The following TSPAN12 variants were observed in gnomAD, a reference collection of about 807,000 sequenced individuals.
The protein encoded by TSPAN12 is tetraspanin 12, also known as tetraspanin-12.
In TSPAN12, 19 loss-of-function variants were observed where a neutral mutation model predicts 39.2. The observed-to-expected ratio is 0.49, with a 90% confidence interval of 0.34 to 0.71. The LOEUF (loss-of-function observed/expected upper bound fraction) is 0.71, where lower values mean the gene tolerates loss of function less well. Ranked by LOEUF, TSPAN12 falls within the 30% of genes least tolerant of loss-of-function variation. The probability of loss-of-function intolerance (pLI) is 0.01; values close to 1 mark genes in which losing one functional copy is unlikely to be tolerated. For synonymous variants in TSPAN12, 119 were observed against 124.8 expected (o/e 0.95, Z 0.31); for missense variants, 314 against 359.9 (o/e 0.87, Z 1.03).
intron 4 of TSPAN12, among the ~76,000 whole-genome samples, chr7:120,837,889 G>A (rs775068617): frequency 6.6e-5 from 10 of 152,258 alleles, no homozygotes; most frequent in Non-Finnish European, 7.3e-5. Flanking sequence ...ACCATGCTGG[G>A]AGAATTTACC....
chr7:120,827,172 A>C (rs1230142081), intron 4 of TSPAN12, among the ~76,000 whole-genome samples: 1 of 151,634 alleles, frequency 6.6e-6, no homozygotes, highest in Non-Finnish European at 1.5e-5. Context: ...TGTCTGCAAA[A>C]GTATCTCCTT....
At chr7:120,799,419 T>C (rs904595311) in intron 7 of TSPAN12, among the ~76,000 whole-genome samples, 1 of 140,022 alleles carries the variant, frequency 7.1e-6, no homozygotes, top group African/African-American at 2.6e-5. Context: ...TTTATTATAA[T>C]ATTTAATTTA....
intron 4 of TSPAN12, among the ~76,000 whole-genome samples, chr7:120,817,493 C>T (rs1299426989): frequency 6.6e-6 from 1 of 152,128 alleles, no homozygotes; most frequent in African/African-American, 2.4e-5. Flanking sequence ...TGCTGTTTAT[C>T]AAGTACTTTC....
intron 4 of TSPAN12, among the ~76,000 whole-genome samples, chr7:120,824,731 TCACTTTGGGG>T (rs1384586012): frequency 1.3e-5 from 2 of 152,226 alleles, no homozygotes; most frequent in Non-Finnish European, 2.9e-5. Flanking sequence ...CCAATGATTT[TCACTTTGGGG>T]AAACTTGACT....
At chr7:120,799,496 T>A (rs1386099678) in intron 7 of TSPAN12, among the ~76,000 whole-genome samples, 1 of 127,930 alleles carries the variant, frequency 7.8e-6, no homozygotes, top group Non-Finnish European at 1.6e-5. Context: ...ATATAATTAT[T>A]TTTAATTAAT....
intron 4 of TSPAN12, among the ~76,000 whole-genome samples, chr7:120,822,385 T>TA (rs1233604132): frequency 1.3e-5 from 2 of 152,070 alleles, no homozygotes; most frequent in East Asian, 3.8e-4. Flanking sequence ...CACTTGCCCT[T>TA]ATCCCTTCTT....
intron 7 of TSPAN12, among the ~76,000 whole-genome samples, chr7:120,793,337 G>C (rs1030846277): frequency 6.6e-6 from 1 of 152,112 alleles, no homozygotes; most frequent in African/African-American, 2.4e-5. Flanking sequence ...CAGCTTTTTC[G>C]GTTGCCCAGA....
chr7:120,810,789 A>C lies in TSPAN12; in HGVS notation c.361-219T>G, dbSNP rs1393701591. On this transcript the variant is annotated intron_variant, in intron 5 of 7. Coordinates refer to ENST00000222747, the MANE Select transcript of TSPAN12 (RefSeq NM_012338.4). ...TCTCAATGTATAGATTTTTGTGATAAATGAAGAGGTATTTTGTACTAAGGA... is the reference window on the plus strand; with the variant it reads ...TCTCAATGTATAGATTTTTGTGATACATGAAGAGGTATTTTGTACTAAGGA... Among the ~76,000 whole-genome samples, 3 of 152,198 alleles carry C rather than the reference A, an allele frequency of 2.0e-5. 1 individual carries two copies. The highest frequency in any genetic ancestry group is 1.3e-4 in the Admixed American group (2 of 15,284).
chr7:120,792,647 A>T (rs2116290853), intron 7 of TSPAN12, among the ~76,000 whole-genome samples: 1 of 152,332 alleles, frequency 6.6e-6, no homozygotes, highest in South Asian at 2.1e-4. Context: ...ATCTCTGTTC[A>T]TTCATTAACT....
chr7:120,806,329 A>T (rs112046920), intron 7 of TSPAN12, among the ~76,000 whole-genome samples: 18 of 152,028 alleles, frequency 1.2e-4, no homozygotes, highest in African/African-American at 4.3e-4. Context: ...ATTAATTACA[A>T]AACCTGGTCT....
At chr7:120,834,664 A>G (rs1794444953) in intron 4 of TSPAN12, among the ~76,000 whole-genome samples, 1 of 152,194 alleles carries the variant, frequency 6.6e-6, no homozygotes, top group African/African-American at 2.4e-5. Context: ...GCTTTCTCAC[A>G]CTAATCTGTT....
chr7:120,810,350 A>G, intron 6 of TSPAN12, 113 bp downstream of exon 6: 1 of 743,766 alleles, frequency 1.3e-6, no homozygotes, highest in Non-Finnish European at 2.4e-6. Context: ...TTACTGAATC[A>G]CAGGCTTAAT....
At chr7:120,813,705 T>A (rs551092714) in intron 5 of TSPAN12, among the ~76,000 whole-genome samples, 7 of 152,252 alleles carry the variant, frequency 4.6e-5, no homozygotes, top group African/African-American at 1.7e-4. Flanking sequence ...GAACTAATGA[T>A]AAGATGTACT....
intron 5 of TSPAN12, chr7:120,814,031 G>GA (rs778733049): frequency 6.2e-6 from 2 of 320,256 alleles, no homozygotes; most frequent in Non-Finnish European, 1.2e-5. Context: ...TTGGAAGCAT[G>GA]AGTGTCTTCA....
At chr7:120,824,704 T>G (rs1027761040) in intron 4 of TSPAN12, among the ~76,000 whole-genome samples, 1 of 152,224 alleles carries the variant, frequency 6.6e-6, no homozygotes, top group Non-Finnish European at 1.5e-5. Context: ...CAATATTTGC[T>G]TTTGTATTAA....
At chr7:120,792,652 T>C (rs539482468) in intron 7 of TSPAN12, among the ~76,000 whole-genome samples, 8 of 152,302 alleles carry the variant, frequency 5.3e-5, no homozygotes, top group African/African-American at 1.9e-4. Context: ...TGTTCATTCA[T>C]TAACTGACCA....
At chr7:120,827,282 A>G (rs1052008123) in intron 4 of TSPAN12, among the ~76,000 whole-genome samples, 1 of 152,204 alleles carries the variant, frequency 6.6e-6, no homozygotes, top group Non-Finnish European at 1.5e-5. Flanking sequence ...AAGGGTATTA[A>G]AGGAAATAGT....
chr7:120,846,843 G>C (rs540199843), intron 2 of TSPAN12, among the ~76,000 whole-genome samples: 1 of 152,150 alleles, frequency 6.6e-6, no homozygotes. Flanking sequence ...CCCATTCCAC[G>C]GGGTCAAAGG....
chr7:120,808,615 C>T (rs1403763073), intron 6 of TSPAN12, among the ~76,000 whole-genome samples: 1 of 152,116 alleles, frequency 6.6e-6, no homozygotes, highest in Non-Finnish European at 1.5e-5. Flanking sequence ...TATGCTCCAA[C>T]TACTATGTTA....
Sources: allele counts gnomAD v4.1 joint callset (sites outside exome capture counted in the v4.1 genomes callset), GRCh38; gene constraint gnomAD v4.1.1; transcripts MANE v1.5; gene names NCBI Gene and HGNC (gene_info 2026-07-23, HGNC 2026-07-21).